Variants in VGLL3 observed in about 807,000 individuals in gnomAD.
VGLL3 encodes the protein transcription cofactor vestigial-like protein 3.
A neutral mutation model predicts 29.2 loss-of-function variants in VGLL3; 18 were observed. The ratio of observed to expected loss-of-function variants is 0.62; its 90% CI spans 0.43 to 0.91. VGLL3 has a LOEUF of 0.91. Ranked by LOEUF, VGLL3 falls within the 40% of genes least tolerant of loss-of-function variation. The pLI, the probability that VGLL3 is intolerant of heterozygous loss-of-function variation, is 0.00. For missense variants in VGLL3, 440 were observed against 413.2 expected, an observed-to-expected ratio of 1.06 and a Z score of -0.56; for synonymous variants, 180 against 151.8, an observed-to-expected ratio of 1.19 and a Z score of -1.36.
chr3:86,962,308 CAG>C, intron 3 of VGLL3: 8 of 985,442 alleles, frequency 8.1e-6, no homozygotes, highest in Non-Finnish European at 8.4e-6. Context: ...AACACCAAGA[CAG>C]AGGTTAGAGG....
At position 86,966,799 on chromosome 3, in the gene VGLL3, A is replaced by G. The variant is rs557633476; in HGVS notation, c.937+1791T>C. Among the ~76,000 whole-genome samples, 9 of 112,988 alleles carry G rather than the reference A, an allele frequency of 8.0e-5. 1 individual carries two copies. The highest frequency in any genetic ancestry group is 3.0e-4 in the African/African-American group (9 of 29,580). 74.1% of individuals were successfully genotyped at this position (112,988 alleles called of 152,430 possible). On this transcript the variant is annotated intron_variant, in intron 3 of 3. Transcript: ENST00000398399. ...TATATATATATATATATATATATAT[A>G]TATATATATATATATATATATATAT...
At chr3:86,987,573 T>C (rs754350995) in intron 1 of VGLL3, among the ~76,000 whole-genome samples, 12 of 152,168 alleles carry the variant, frequency 7.9e-5, no homozygotes, top group Non-Finnish European at 1.0e-4. Context: ...CCTGAGGAGT[T>C]GTTAGAGACT....
intron 3 of VGLL3, among the ~76,000 whole-genome samples, chr3:86,951,194 T>C (rs1176660196): frequency 6.6e-6 from 1 of 152,176 alleles, no homozygotes; most frequent in Admixed American, 6.5e-5. Flanking sequence ...GATGAGAATA[T>C]GATTTTCCTT....
chr3:86,959,079 A>G (rs1704783635), intron 3 of VGLL3, among the ~76,000 whole-genome samples: 1 of 152,194 alleles, frequency 6.6e-6, no homozygotes, highest in Non-Finnish European at 1.5e-5. Context: ...TTTAAAAACA[A>G]TCTGCACCTA....
Position 86,991,007 on chromosome 3 carries a change from G to A in VGLL3, c.-264C>T. On this transcript the variant is annotated 5_prime_UTR_variant, in exon 1 of 4. Transcript: ENST00000398399. ...TGCCGCGCTTATATAGCGGCTCAGGGACGCAGCCGCCCGCTGCGCCGCTGG... is the reference window on the plus strand; with the variant it reads ...TGCCGCGCTTATATAGCGGCTCAGGAACGCAGCCGCCCGCTGCGCCGCTGG... 2.2e-6 allele frequency: 2 copies of A among 906,134 alleles called. No individual in the cohort carries two copies. The highest frequency in any genetic ancestry group is 5.1e-5 in the South Asian group (1 of 19,444). 56.1% of individuals were successfully genotyped at this position (906,134 alleles called of 1,614,324 possible).
At chr3:86,962,378 T>C in intron 3 of VGLL3, 1 of 985,274 alleles carries the variant, frequency 1.0e-6, no homozygotes, top group South Asian at 4.7e-5. Flanking sequence ...GCCCTCACAG[T>C]ATGGATCCTT....
chr3:86,978,528 C>T lies in VGLL3; in HGVS notation c.401G>A (p.Arg134Gln), dbSNP rs754406647. ...AACATCTGCTTTTGAATTCTTACCT[C>T]GCCATAGGGGGGTTAGCCCCATCTT... ...KSKMGLTPLW[R>Q]DSSALSSQRN... is the part of the protein sequence containing the mutation. Residue 134 changes from arginine to glutamine, a missense_variant and splice_region_variant, in exon 2 of 4, where the codon CGA becomes CAA. Transcript: ENST00000398399. 1.4e-5 allele frequency: 22 copies of T among 1,613,456 alleles called. No homozygotes were observed. Among genetic ancestry groups the T allele is most frequent in the Non-Finnish European group, 1.8e-5 (21 of 1,179,802 alleles).
At chr3:86,956,212 C>G (rs138276106) in intron 3 of VGLL3, among the ~76,000 whole-genome samples, 86 of 152,266 alleles carry the variant, frequency 5.6e-4, no homozygotes, top group African/African-American at 2.0e-3. Context: ...CCCTATATGA[C>G]AGATGAGAAA....
At chr3:86,971,928 G>C (rs1014757378) in intron 2 of VGLL3, among the ~76,000 whole-genome samples, 12 of 152,112 alleles carry the variant, frequency 7.9e-5, no homozygotes, top group Non-Finnish European at 1.6e-4. Context: ...TCCATCTCCC[G>C]AGGGGCTAGA....
At chr3:86,984,737 C>T (rs752080670) in intron 1 of VGLL3, among the ~76,000 whole-genome samples, 5 of 152,106 alleles carry the variant, frequency 3.3e-5, no homozygotes, top group Admixed American at 1.3e-4. Flanking sequence ...TATGCAAAGA[C>T]TTGGAGTCAC....
chr3:86,980,817 A>C (rs1183347226), intron 1 of VGLL3, among the ~76,000 whole-genome samples: 1 of 151,762 alleles, frequency 6.6e-6, no homozygotes, highest in Non-Finnish European at 1.5e-5. Context: ...ATATTCGGGC[A>C]CATTAGAAAG....
rs1379652878 is a variant in VGLL3, at chr3:86,968,904, G to C, written c.623C>G (p.Pro208Arg). Residue 208 changes from proline (P) to arginine (R), a missense_variant, in exon 3 of 4, where the codon CCT (proline) becomes CGT (arginine). Physicochemically the swap from Pro to Arg is moderately radical, Grantham distance 103. Transcript: ENST00000398399. ...APPPAVSESW[P>R]YPLTSQVSPS... Reference sequence around the variant, plus strand: ...GCTCACCTGAGATGTCAAAGGATAAGGCCAGGACTCAGACACAGCAGGGGG... The same window carrying C: ...GCTCACCTGAGATGTCAAAGGATAACGCCAGGACTCAGACACAGCAGGGGG... The C allele has an allele frequency of 6.2e-7, 1 of 1,614,170 alleles. No individual in the cohort carries two copies. Among genetic ancestry groups the C allele is most frequent in the African/African-American group, 1.3e-5 (1 of 75,034 alleles).
At chr3:86,975,602 G>A (rs1191503696) in intron 2 of VGLL3, among the ~76,000 whole-genome samples, 2 of 151,974 alleles carry the variant, frequency 1.3e-5, no homozygotes. Context: ...CGGATACATG[G>A]TATGAAATTG....
At chr3:86,949,136 A>G (rs1334901976) in intron 3 of VGLL3, among the ~76,000 whole-genome samples, 1 of 152,196 alleles carries the variant, frequency 6.6e-6, no homozygotes, top group African/African-American at 2.4e-5. Context: ...TTTTAAACAA[A>G]GGCAATTTCT....
At chr3:86,986,011 T>A (rs779917759) in intron 1 of VGLL3, among the ~76,000 whole-genome samples, 2 of 147,856 alleles carry the variant, frequency 1.4e-5, no homozygotes, top group Admixed American at 7.0e-5. Flanking sequence ...CAGATAGATA[T>A]GACAAATATA....
chr3:86,943,392 A>G lies in VGLL3; in HGVS notation c.*3632T>C, dbSNP rs186382061. ...CATTAAACCAGATAGCAAACTCAAA[A>G]GCTAGATAGGGTGACATATTCTGCA... On this transcript the variant is annotated 3_prime_UTR_variant, in exon 4 of 4. Coordinates refer to ENST00000398399, the MANE Select transcript of VGLL3 (RefSeq NM_016206.4). 6.6e-6 allele frequency: 1 copy of G among 152,302 alleles called. No homozygotes were observed. The highest frequency in any genetic ancestry group is 1.9e-4 in the East Asian group (1 of 5,180). The allele number at this position is 152,302 out of a possible 1,614,324, so 9.4% of individuals were successfully genotyped here.
At chr3:86,972,407 A>G (rs1457519822) in intron 2 of VGLL3, among the ~76,000 whole-genome samples, 1 of 152,250 alleles carries the variant, frequency 6.6e-6, no homozygotes, top group Non-Finnish European at 1.5e-5. Context: ...TACATTTACA[A>G]TTGAAACAAT....
intron 1 of VGLL3, among the ~76,000 whole-genome samples, chr3:86,985,856 T>C (rs534197439): frequency 6.6e-6 from 1 of 152,248 alleles, no homozygotes; most frequent in East Asian, 1.9e-4. Context: ...AAAAAGTTAG[T>C]TGGACACAGA....
chr3:86,972,319 T>C (rs1482730736), intron 2 of VGLL3, among the ~76,000 whole-genome samples: 2 of 152,190 alleles, frequency 1.3e-5, no homozygotes, highest in Non-Finnish European at 2.9e-5. Flanking sequence ...AGGAACTTAA[T>C]ATTTTCCCAG....
Sources: allele counts gnomAD v4.1 joint callset (sites outside exome capture counted in the v4.1 genomes callset), GRCh38; gene constraint gnomAD v4.1.1; transcripts MANE v1.5; gene names NCBI Gene and HGNC (gene_info 2026-07-23, HGNC 2026-07-21).